Variants in UGGT2 observed in about 807,000 individuals in gnomAD.
The protein encoded by UGGT2 is UDP-glucose:glycoprotein glucosyltransferase 2.
In UGGT2, 180 loss-of-function variants were observed where a neutral mutation model predicts 192.1. The ratio of observed to expected loss-of-function variants is 0.94; its 90% CI spans 0.83 to 1.06. The LOEUF is 1.06. Ranked by LOEUF, UGGT2 falls within the 50% of genes least tolerant of loss-of-function variation. The pLI is 0.00. For missense variants in UGGT2, 1,849 were observed against 1,795.7 expected (o/e 1.03, Z -0.54); for synonymous variants, 580 against 591.0 (o/e 0.98, Z 0.27).
intron 1 of UGGT2, among the ~76,000 whole-genome samples, chr13:96,047,742 C>T (rs1441167740): frequency 6.6e-6 from 1 of 151,988 alleles, no homozygotes; most frequent in Non-Finnish European, 1.5e-5. Flanking sequence ...ACAAAGAAGG[C>T]CATTACATAA....
chr13:95,958,361 C>A (rs940662173), intron 12 of UGGT2, among the ~76,000 whole-genome samples: 1 of 152,114 alleles, frequency 6.6e-6, no homozygotes, highest in Non-Finnish European at 1.5e-5. Context: ...CCGTGTTAGC[C>A]TGGATGGTCT....
intron 5 of UGGT2, among the ~76,000 whole-genome samples, chr13:96,000,443 C>G (rs2051764193): frequency 6.6e-6 from 1 of 152,188 alleles, no homozygotes; most frequent in African/African-American, 2.4e-5. Context: ...GCTGCCCACA[C>G]TAAAATTTAA....
chr13:95,992,328 G>A (rs947568560), intron 7 of UGGT2, among the ~76,000 whole-genome samples: 1 of 152,146 alleles, frequency 6.6e-6, no homozygotes, highest in East Asian at 1.9e-4. Flanking sequence ...CATGAGCATG[G>A]AATGTTTTTC....
At chr13:95,908,135 A>C (rs1009664025) in intron 20 of UGGT2, among the ~76,000 whole-genome samples, 1 of 152,210 alleles carries the variant, frequency 6.6e-6, no homozygotes, top group Non-Finnish European at 1.5e-5. Context: ...AATCAAGTGG[A>C]AGAAAGGGTA....
At chr13:95,807,716 C>CTTTTTTTTTTTTTTTTTT in intron 38 of UGGT2, among the ~76,000 whole-genome samples, 2,800 of 78,210 alleles carry the variant, frequency 0.036, 398 homozygotes, top group Non-Finnish European at 0.051. Context: ...CAGCCCTCAC[C>CTTTTTTTTTTTTTTTTTT]TTTTTTTTTT....
chr13:95,846,136 T>C (rs1012660298), intron 36 of UGGT2, among the ~76,000 whole-genome samples: 1 of 152,002 alleles, frequency 6.6e-6, no homozygotes, highest in Non-Finnish European at 1.5e-5. Context: ...CTGGGCAACA[T>C]TGAGCACTGA....
chr13:95,998,239 A>C (rs1594539903), intron 6 of UGGT2, among the ~76,000 whole-genome samples: 1 of 152,216 alleles, frequency 6.6e-6, no homozygotes, highest in Admixed American at 6.5e-5. Context: ...CAGATGATAC[A>C]TATGTGACCA....
chr13:95,981,141 G>A (rs536717979), intron 10 of UGGT2, among the ~76,000 whole-genome samples: 20 of 152,154 alleles, frequency 1.3e-4, no homozygotes, highest in Non-Finnish European at 2.8e-4. Context: ...GAGCTCTGCA[G>A]TACCCCCAAG....
rs559761223 is a variant in UGGT2, at chr13:95,816,315, A to G, written c.4529-14503T>C. 7.2e-5 allele frequency among the ~76,000 whole-genome samples: 11 copies of G among 152,320 alleles called. No individual in the cohort carries two copies. The South Asian group carries it at 1.4e-3, about 20-fold the overall frequency. On this transcript the variant is annotated intron_variant, in intron 38 of 38. Coordinates refer to ENST00000376747, the MANE Select transcript of UGGT2 (RefSeq NM_020121.4). The stretch of plus-strand genomic sequence containing the variant: ...AGGAAGTACAGCAATTGGAACTCTC[A>G]TATGTTGTTAGTTAGAATGTTACAA...
At chr13:95,977,279 A>AG (rs2050967940) in intron 10 of UGGT2, among the ~76,000 whole-genome samples, 2 of 152,172 alleles carry the variant, frequency 1.3e-5, no homozygotes, top group African/African-American at 4.8e-5. Flanking sequence ...ACAGAATGGG[A>AG]GAAAGTCTTT....
At chr13:95,885,433 T>TA (rs1305530233) in intron 26 of UGGT2, among the ~76,000 whole-genome samples, 1 of 152,160 alleles carries the variant, frequency 6.6e-6, no homozygotes, top group Admixed American at 6.6e-5. Context: ...TGCTTGCAGT[T>TA]ACTTCCCAAA....
intron 13 of UGGT2, 118 bp downstream of exon 13, chr13:95,949,217 C>A: frequency 9.7e-7 from 1 of 1,033,536 alleles, no homozygotes; most frequent in Non-Finnish European, 1.3e-6. Flanking sequence ...CTTGCTGCTT[C>A]AGGCAAATAC....
At chr13:95,859,932 A>G (rs1889999400) in intron 32 of UGGT2, 1 of 277,896 alleles carries the variant, frequency 3.6e-6, no homozygotes, top group Non-Finnish European at 6.7e-6. Context: ...CAAGTATGTA[A>G]TGTGTAAGGA....
chr13:95,992,720 G>A lies in UGGT2; in HGVS notation c.831-2647C>T, dbSNP rs141068029. On this transcript the variant is annotated intron_variant, in intron 7 of 38. Coordinates refer to ENST00000376747, the MANE Select transcript of UGGT2 (RefSeq NM_020121.4). Reference sequence around the variant, plus strand: ...TCAGAGAAATGCAAGTCAAAACCACGAGATACCCTCTCACGCCAGTCAGAA... The same window carrying A: ...TCAGAGAAATGCAAGTCAAAACCACAAGATACCCTCTCACGCCAGTCAGAA... 1.4e-3 allele frequency among the ~76,000 whole-genome samples: 216 copies of A among 152,170 alleles called. 1 individual carries two copies. The highest frequency in any genetic ancestry group is 4.9e-3 in the African/African-American group (203 of 41,528).
At position 96,029,706 on chromosome 13, in the gene UGGT2, T is replaced by C. The variant is rs144588099; in HGVS notation, c.241+2183A>G. On this transcript the variant is annotated intron_variant, in intron 2 of 38. Transcript: ENST00000376747. ...AGCTTATATTCCAGCTTGTGAATGATCTGCCACCAGATTGTCCAGGTATAT... is the reference window on the plus strand; with the variant it reads ...AGCTTATATTCCAGCTTGTGAATGACCTGCCACCAGATTGTCCAGGTATAT... 5.4e-4 allele frequency among the ~76,000 whole-genome samples: 82 copies of C among 152,362 alleles called. 1 individual carries two copies. The highest frequency in any genetic ancestry group is 1.9e-3 in the African/African-American group (77 of 41,592).
intron 19 of UGGT2, 106 bp downstream of exon 19, chr13:95,926,922 T>C: frequency 9.5e-7 from 1 of 1,055,188 alleles, no homozygotes; most frequent in Non-Finnish European, 1.3e-6. Context: ...AATCTAGGCC[T>C]CTACTCAAAA....
intron 5 of UGGT2, among the ~76,000 whole-genome samples, chr13:96,004,108 A>T: frequency 6.6e-6 from 1 of 151,930 alleles, no homozygotes; most frequent in Admixed American, 6.6e-5. Flanking sequence ...TAAATTTTGG[A>T]TTCCCCATGT....
At chr13:95,869,426 C>A (rs566251649) in intron 29 of UGGT2, among the ~76,000 whole-genome samples, 1 of 151,932 alleles carries the variant, frequency 6.6e-6, no homozygotes, top group African/African-American at 2.4e-5. Flanking sequence ...CTGGGTCAAA[C>A]GGTATTTCTA....
chr13:95,859,534 T>C (rs575648759), intron 33 of UGGT2, 57 bp downstream of exon 33: 1 of 1,314,518 alleles, frequency 7.6e-7, no homozygotes, highest in Admixed American at 1.9e-5. Flanking sequence ...CTTACAATGA[T>C]ACAAATAATT....
Sources: allele counts gnomAD v4.1 joint callset (sites outside exome capture counted in the v4.1 genomes callset), GRCh38; gene constraint gnomAD v4.1.1; transcripts MANE v1.5; gene names NCBI Gene and HGNC (gene_info 2026-07-23, HGNC 2026-07-21).